Variants in PRKAR1A observed in about 807,000 individuals in gnomAD.
The protein encoded by PRKAR1A is cAMP-dependent protein kinase type I-alpha regulatory subunit.
In PRKAR1A, 3 loss-of-function variants were observed where a neutral mutation model predicts 52.0. The observed-to-expected ratio is 0.06, with a 90% CI of 0.03 to 0.15. The LOEUF is 0.15. Ranked by LOEUF, PRKAR1A falls within the 10% of genes least tolerant of loss-of-function variation. PRKAR1A has a pLI of 1.00. For synonymous variants in PRKAR1A, 188 were observed against 168.4 expected, an observed-to-expected ratio of 1.12 and a Z score of -0.90; for missense variants, 240 against 477.4, an observed-to-expected ratio of 0.50 and a Z score of 4.63.
At chr17:68,537,870 A>G, downstream of PRKAR1A, 1 of 1,049,612 alleles carries the variant, frequency 9.5e-7, no homozygotes, top group Non-Finnish European at 1.4e-6. The surrounding 1 kb of genome is among the most constrained non-coding windows in gnomAD (Gnocchi z 4.2). Flanking sequence ...TCTCAGGCAC[A>G]TTTTAATGGA....
intron 11 of PRKAR1A, among the ~76,000 whole-genome samples, chr17:68,549,362 T>G (rs2086725902): frequency 6.6e-6 from 1 of 151,986 alleles, no homozygotes; most frequent in Non-Finnish European, 1.5e-5. Context: ...GGTGTGGTGG[T>G]ACACATCTAT....
the PRKAR1A span, chr17:68,436,341 A>C: frequency 1.5e-5 from 23 of 1,581,922 alleles, no homozygotes; most frequent in East Asian, 4.7e-4. Flanking sequence ...CCACACAGCC[A>C]AGGCAGGTGG....
the PRKAR1A span, chr17:68,441,030 C>G: frequency 6.6e-6 from 1 of 152,166 alleles, no homozygotes; most frequent in South Asian, 2.1e-4. Flanking sequence ...ATGAACTGTT[C>G]AATGATCTGC....
chr17:68,515,775 T>C (rs1441133517), intron 2 of PRKAR1A, 199 bp downstream of exon 2: 1 of 664,460 alleles, frequency 1.5e-6, no homozygotes, highest in African/African-American at 1.8e-5. Flanking sequence ...ATCAGAAAAA[T>C]GAACCTGTAT....
At chr17:68,438,428 G>C in the PRKAR1A span, among the ~76,000 whole-genome samples, 1 of 152,222 alleles carries the variant, frequency 6.6e-6, no homozygotes, top group Non-Finnish European at 1.5e-5. Flanking sequence ...TTGTGAAACT[G>C]GGGAGGGAAG....
intron 11 of PRKAR1A, chr17:68,540,647 C>G: frequency 2.8e-6 from 2 of 706,722 alleles, no homozygotes; most frequent in South Asian, 3.0e-5. Context: ...GTGACGACCC[C>G]TTGAGCTTCT....
the PRKAR1A span, chr17:68,420,457 C>G: frequency 6.2e-7 from 1 of 1,607,848 alleles, no homozygotes; most frequent in South Asian, 1.1e-5. Flanking sequence ...GCTGTCAAGC[C>G]GCATAACAGA....
the PRKAR1A span, among the ~76,000 whole-genome samples, chr17:68,497,659 C>T: frequency 6.6e-6 from 1 of 151,988 alleles, no homozygotes; most frequent in South Asian, 2.1e-4. Context: ...GCTAAGAGAA[C>T]AAGGATGATG....
chr17:68,549,773 TGAGCATTGTGCCAAA>T lies in PRKAR1A; in HGVS notation c.974-1307_974-1293del, dbSNP rs566797750. On this transcript the variant is annotated intron_variant, in intron 11 of 11. Coordinates refer to the PRKAR1A transcript ENST00000585981. ...CTCACTGGTGACTCTTGTGTTCAGC[TGAGCATTGTGCCAAA>T]GAGTCACATGTCTACTTGTGGAACC... Among the ~76,000 whole-genome samples, 605 of 152,370 alleles carry T rather than the reference TGAGCATTGTGCCAAA, an allele frequency of 4.0e-3. 10 individuals are homozygous for T. Among genetic ancestry groups the T allele is most frequent in the African/African-American group, 0.014 (593 of 41,592 alleles).
the PRKAR1A span, among the ~76,000 whole-genome samples, chr17:68,425,186 C>T: frequency 1.3e-5 from 2 of 152,178 alleles, no homozygotes; most frequent in African/African-American, 4.8e-5. Flanking sequence ...ACCTGCTGCC[C>T]TCCACAGAGC....
At chr17:68,489,213 T>C in the PRKAR1A span, among the ~76,000 whole-genome samples, 5 of 51,600 alleles carry the variant, frequency 9.7e-5, no homozygotes, top group African/African-American at 4.3e-4. Flanking sequence ...TATATATATA[T>C]ATATATATAT....
the PRKAR1A span, among the ~76,000 whole-genome samples, chr17:68,454,353 G>A: frequency 6.6e-6 from 1 of 152,314 alleles, no homozygotes; most frequent in African/African-American, 2.4e-5. Context: ...TTACAAGCCT[G>A]GATGGCCAAG....
intron 2 of PRKAR1A, among the ~76,000 whole-genome samples, chr17:68,521,740 C>T (rs2085616362): frequency 6.6e-6 from 1 of 152,222 alleles, no homozygotes; most frequent in Non-Finnish European, 1.5e-5. Context: ...CTCCCTCCCA[C>T]GCCATTGCTT....
chr17:68,431,760 A>ATCCGTGGGCAGGCTGAGGGGAGG, the PRKAR1A span, among the ~76,000 whole-genome samples: 1 of 152,162 alleles, frequency 6.6e-6, no homozygotes, highest in South Asian at 2.1e-4. Context: ...ACATATGAAC[A>ATCCGTGGGCAGGCTGAGGGGAGG]CCCGTGGACA....
intron 2 of PRKAR1A, among the ~76,000 whole-genome samples, chr17:68,522,114 C>T (rs1312719366): frequency 3.9e-5 from 6 of 152,176 alleles, no homozygotes; most frequent in South Asian, 2.1e-4. Flanking sequence ...CGTTTAAATT[C>T]GTGGTTACCA....
chr17:68,550,723 C>T (rs1600562672), intron 11 of PRKAR1A, among the ~76,000 whole-genome samples: 1 of 152,186 alleles, frequency 6.6e-6, no homozygotes, highest in East Asian at 1.9e-4. Flanking sequence ...GTTGCCTGGG[C>T]CTTGGGATCA....
chr17:68,478,628 A>G, the PRKAR1A span, among the ~76,000 whole-genome samples: 1 of 128,500 alleles, frequency 7.8e-6, no homozygotes, highest in Non-Finnish European at 1.7e-5. Flanking sequence ...GTGTGTGTGT[A>G]TCTGAATGTG....
chr17:68,478,239 G>T, the PRKAR1A span, among the ~76,000 whole-genome samples: 1 of 152,136 alleles, frequency 6.6e-6, no homozygotes, highest in Non-Finnish European at 1.5e-5. Flanking sequence ...GGATCATGAG[G>T]TCAGGAGATC....
chr17:68,520,031 GTTC>G (rs1365022053), intron 2 of PRKAR1A, among the ~76,000 whole-genome samples: 6 of 152,220 alleles, frequency 3.9e-5, no homozygotes, highest in Non-Finnish European at 8.8e-5. Context: ...GTCATGTGCA[GTTC>G]TTCTGGTATC....
Sources: gnomAD v4.1 joint callset for allele counts (sites outside exome capture counted in the v4.1 genomes callset) on GRCh38, gnomAD v4.1.1 for gene constraint, Gnocchi (gnomAD v3.1) non-coding constraint, MANE v1.5 for transcripts, NCBI Gene and HGNC (gene_info 2026-07-23, HGNC 2026-07-21) for gene names.